Variants in LRMDA observed in about 807,000 individuals in gnomAD.
The protein encoded by LRMDA is leucine-rich melanocyte differentiation-associated protein.
In LRMDA, 18 loss-of-function variants were observed where a neutral mutation model predicts 29.8. The ratio of observed to expected loss-of-function variants is 0.60; its 90% CI spans 0.42 to 0.90. The LOEUF is 0.90. LRMDA is among the 40% of genes least tolerant of loss of function. The pLI, the probability that LRMDA is intolerant of heterozygous loss-of-function variation, is 0.00. For missense variants in LRMDA, 273 were observed against 273.9 expected, an observed-to-expected ratio of 1.00 and a Z score of 0.02; for synonymous variants, 125 against 109.4, an observed-to-expected ratio of 1.14 and a Z score of -0.89.
intron 6 of LRMDA, among the ~76,000 whole-genome samples, chr10:76,463,853 T>C (rs1842536439): frequency 6.6e-6 from 1 of 151,960 alleles, no homozygotes; most frequent in Non-Finnish European, 1.5e-5. Flanking sequence ...TTATCTAACT[T>C]GTGCAGAGCT....
intron 2 of LRMDA, among the ~76,000 whole-genome samples, chr10:75,842,898 G>C (rs1281771794): frequency 6.6e-6 from 1 of 152,076 alleles, no homozygotes; most frequent in African/African-American, 2.4e-5. Context: ...GCATGAGCTT[G>C]TAGTCCCAGC....
chr10:76,403,418 C>T (rs369744059), intron 6 of LRMDA: 10 of 151,978 alleles, frequency 6.6e-5, no homozygotes, highest in Admixed American at 5.2e-4. Flanking sequence ...TGGGCCCACC[C>T]GTCTTCCCGT....
At chr10:76,135,988 T>C (rs1850087531) in intron 5 of LRMDA, among the ~76,000 whole-genome samples, 1 of 152,200 alleles carries the variant, frequency 6.6e-6, no homozygotes, top group Non-Finnish European at 1.5e-5. Flanking sequence ...TTCAGTGCTT[T>C]ATCTTGTAGT....
At chr10:76,004,835 C>T (rs2132472520) in intron 2 of LRMDA, among the ~76,000 whole-genome samples, 1 of 150,274 alleles carries the variant, frequency 6.7e-6, no homozygotes, top group African/African-American at 2.5e-5. Flanking sequence ...TCATGCCATT[C>T]TCCTGCTTCA....
intron 5 of LRMDA, among the ~76,000 whole-genome samples, chr10:76,115,970 C>T (rs754542730): frequency 2.6e-5 from 4 of 152,170 alleles, no homozygotes; most frequent in Non-Finnish European, 4.4e-5. Flanking sequence ...TTCCCAGGTC[C>T]TCAATGCATC....
intron 2 of LRMDA, among the ~76,000 whole-genome samples, chr10:75,805,894 G>A (rs1378221166): frequency 6.6e-6 from 1 of 152,074 alleles, no homozygotes; most frequent in Non-Finnish European, 1.5e-5. Context: ...GTTGTGTTAG[G>A]CCATTCTTGC....
intron 5 of LRMDA, among the ~76,000 whole-genome samples, chr10:76,130,068 T>C (rs1436475935): frequency 6.6e-6 from 1 of 151,898 alleles, no homozygotes; most frequent in Non-Finnish European, 1.5e-5. Flanking sequence ...TAATAAATAT[T>C]AACTATTAAT....
At chr10:75,989,013 C>G (rs939413349) in intron 2 of LRMDA, among the ~76,000 whole-genome samples, 1 of 152,206 alleles carries the variant, frequency 6.6e-6, no homozygotes, top group African/African-American at 2.4e-5. Context: ...TGCTTTCTCT[C>G]TACAGCCTCA....
chr10:76,171,164 T>C (rs1299666604), intron 5 of LRMDA, among the ~76,000 whole-genome samples: 2 of 152,186 alleles, frequency 1.3e-5, no homozygotes, highest in African/African-American at 4.8e-5. Flanking sequence ...ATGGGATAAG[T>C]CATCTGGCTC....
chr10:75,873,360 T>G (rs1433751139), intron 2 of LRMDA, among the ~76,000 whole-genome samples: 1 of 152,254 alleles, frequency 6.6e-6, no homozygotes. Context: ...GTATTTAATC[T>G]CCTCTTTTGT....
At chr10:76,462,215 C>T (rs1225214954) in intron 6 of LRMDA, among the ~76,000 whole-genome samples, 5 of 150,640 alleles carry the variant, frequency 3.3e-5, no homozygotes, top group Admixed American at 1.3e-4. Flanking sequence ...TTTTTTTTTT[C>T]AGGAGTCCCA....
chr10:76,036,109 A>ATAAC lies in LRMDA; in HGVS notation c.235_236insACTA (p.Thr79AsnfsTer12). The ATAAC allele has an allele frequency of 6.2e-7, 1 of 1,613,970 alleles. No individual in the cohort carries two copies. The highest frequency in any genetic ancestry group is 1.1e-5 in the South Asian group (1 of 91,062). On this transcript the variant is annotated frameshift_variant, in exon 3 of 7. Transcript: ENST00000611255. LOFTEE classifies it high-confidence loss of function. ...GTGTTGCCAGGGTTACCCAGACTGC[A>ATAAC]TACCTTAACCCTCAACAAGAACCGA...
At chr10:75,460,807 A>G (rs1564776755) in intron 2 of LRMDA, among the ~76,000 whole-genome samples, 1 of 152,112 alleles carries the variant, frequency 6.6e-6, no homozygotes, top group African/African-American at 2.4e-5. Context: ...TAAATCTGCC[A>G]TAATTTACCC....
intron 2 of LRMDA, among the ~76,000 whole-genome samples, chr10:75,606,606 T>C (rs576391059): frequency 6.6e-6 from 1 of 152,280 alleles, no homozygotes; most frequent in African/African-American, 2.4e-5. Flanking sequence ...GATGGTCTCT[T>C]GGCACAGAAG....
At chr10:75,552,780 A>G (rs1370869572) in intron 2 of LRMDA, among the ~76,000 whole-genome samples, 1 of 149,234 alleles carries the variant, frequency 6.7e-6, no homozygotes, top group Non-Finnish European at 1.5e-5. Context: ...ATTTTGGATC[A>G]TTTCTACTCA....
At chr10:75,870,189 A>T (rs1185403990) in intron 2 of LRMDA, among the ~76,000 whole-genome samples, 1 of 152,234 alleles carries the variant, frequency 6.6e-6, no homozygotes, top group African/African-American at 2.4e-5. Flanking sequence ...TGAAAAATAG[A>T]TAAAATTCAT....
intron 2 of LRMDA, among the ~76,000 whole-genome samples, chr10:75,700,254 GAGTTT>G (rs1261684447): frequency 2.3e-5 from 3 of 132,700 alleles, no homozygotes; most frequent in African/African-American, 9.7e-5. Context: ...ACCTTTGTGT[GAGTTT>G]TTTTTTTTTT....
chr10:75,862,159 G>T (rs1312905456), intron 2 of LRMDA, among the ~76,000 whole-genome samples: 1 of 145,948 alleles, frequency 6.9e-6, no homozygotes, highest in Non-Finnish European at 1.5e-5. Flanking sequence ...TATAGCAATA[G>T]ATAATCAAAA....
intron 6 of LRMDA, among the ~76,000 whole-genome samples, chr10:76,389,254 C>T (rs1245717507): frequency 2.6e-5 from 4 of 152,028 alleles, no homozygotes; most frequent in Non-Finnish European, 5.9e-5. Flanking sequence ...GCAAGTTGCT[C>T]CTCAGTGCTA....
Sources: gnomAD v4.1 joint callset for allele counts (sites outside exome capture counted in the v4.1 genomes callset) on GRCh38, gnomAD v4.1.1 for gene constraint, MANE v1.5 for transcripts, NCBI Gene and HGNC (gene_info 2026-07-23, HGNC 2026-07-21) for gene names.